RPAP1: variants seen among roughly 807,000 people sequenced by gnomAD.
The protein encoded by RPAP1 is RNA polymerase II associated protein 1.
In RPAP1, 109 loss-of-function variants were observed where a neutral mutation model predicts 142.4. The ratio of observed to expected loss-of-function variants is 0.77; its 90% CI spans 0.66 to 0.90. RPAP1 has a LOEUF of 0.90. Among genes scored for constraint, RPAP1 ranks in the 40% least tolerant of loss-of-function variants. RPAP1 has a pLI of 0.00. For missense variants in RPAP1, 1,546 were observed against 1,751.7 expected, an observed-to-expected ratio of 0.88 and a Z score of 2.10; for synonymous variants, 704 against 738.9, an observed-to-expected ratio of 0.95 and a Z score of 0.77.
chr15:41,542,207 T>C (rs2412621), intron 1 of RPAP1, among the ~76,000 whole-genome samples: 53,472 of 151,956 alleles, frequency 0.35, 9,797 homozygotes, highest in African/African-American at 0.42. Context: ...CCCACACAAG[T>C]CTAGAAATTC....
rs778613982 is a variant in RPAP1 at position 41,522,786 on chromosome 15, G to A, written c.2721C>T (p.Ile907=). The A allele has an allele frequency of 6.4e-7, 1 of 1,567,252 alleles. No individual in the cohort carries two copies. The highest frequency in any genetic ancestry group is 8.6e-7 in the Non-Finnish European group (1 of 1,165,088). ...LLSLLNTLAQ[I]HKGLCGQLAA... Reference sequence around the variant, plus strand: ...TTACCTGGCCACACAGCCCCTTGTGGATCTGGGCCAGGGTATTAAGAAGAG... The same window carrying A: ...TTACCTGGCCACACAGCCCCTTGTGAATCTGGGCCAGGGTATTAAGAAGAG... Residue 907 remains isoleucine, a synonymous_variant, in exon 19 of 25, where the codon ATC becomes ATT. Transcript: ENST00000304330.
Position 41,522,094 on chromosome 15 carries a change from C to T in RPAP1, c.2895+4G>A, listed in dbSNP as rs769605610. The T allele has an allele frequency of 6.2e-7, 1 of 1,612,904 alleles. No homozygotes were observed. The highest frequency in any genetic ancestry group is 2.2e-5 in the East Asian group (1 of 44,872). On this transcript the variant is annotated splice_donor_region_variant and intron_variant, in intron 20 of 24. Transcript: ENST00000304330. ...AGGAGAACCTGTCAGACAGGGGGAC[C>T]TACCGCTTTCTGGGCCAGAGCGAGT...
intron 1 of RPAP1, among the ~76,000 whole-genome samples, chr15:41,542,203 C>G (rs2051978151): frequency 6.6e-6 from 1 of 152,150 alleles, no homozygotes; most frequent in South Asian, 2.1e-4. Context: ...TTTGCCCACA[C>G]AAGTCTAGAA....
At chr15:41,539,056 T>C (rs533972556) in intron 1 of RPAP1, among the ~76,000 whole-genome samples, 2 of 152,306 alleles carry the variant, frequency 1.3e-5, no homozygotes, top group East Asian at 1.9e-4. Context: ...GAGCGTCTTT[T>C]TGGAGTAATG....
chr15:41,529,981 TG>T lies in RPAP1; in HGVS notation c.944-3del. The stretch of plus-strand genomic sequence containing the variant: ...GAGGGGTCACGGGCAATGCCAGAGC[TG>T]GGGAGACAAAGCATGATAGTATTAC... On this transcript the variant is annotated splice_region_variant and splice_polypyrimidine_tract_variant and intron_variant, in intron 7 of 24. Coordinates refer to ENST00000304330, the MANE Select transcript of RPAP1 (RefSeq NM_015540.4). 6.2e-7 allele frequency: 1 copy of T among 1,613,216 alleles called. No homozygotes were observed. Among genetic ancestry groups the T allele is most frequent in the Non-Finnish European group, 8.5e-7 (1 of 1,179,242 alleles).
chr15:41,526,748 C>T (rs1358960857), intron 14 of RPAP1, 150 bp downstream of exon 14: 9 of 796,592 alleles, frequency 1.1e-5, no homozygotes, highest in South Asian at 5.6e-5. Flanking sequence ...CAGGTTCATG[C>T]CTGGTGATTT....
In RPAP1 at chr15:41,521,040, C is replaced by A. The variant is rs763260556; in HGVS notation, c.3146G>T (p.Cys1049Phe). 1.3e-6 allele frequency: 2 copies of A among 1,592,602 alleles called. No individual in the cohort carries two copies. Among genetic ancestry groups the A allele is most frequent in the Non-Finnish European group, 1.7e-6 (2 of 1,169,562 alleles). ...GTTGCGGATGCTGGGGAGGTCCTGG[C>A]AGGCCTGAGCCAGCAGAGTCCCTTG... ...CGQGTLLAQACQDLPSIRNCY... is the reference protein window; with the variant it reads ...CGQGTLLAQAFQDLPSIRNCY... The change falls in exon 22 of 25, where the codon TGC becomes TTC. Residue 1049 changes from cysteine to phenylalanine, a missense_variant. Physicochemically the swap from Cys to Phe is radical, Grantham distance 205. This residue lies in a region of RPAP1 where 1,333 missense variants were observed against 1,486.6 expected (regional missense o/e 0.90). Coordinates refer to ENST00000304330, the MANE Select transcript of RPAP1 (RefSeq NM_015540.4).
intron 1 of RPAP1, among the ~76,000 whole-genome samples, chr15:41,540,282 G>C (rs1186897627): frequency 2.0e-5 from 3 of 149,816 alleles, no homozygotes; most frequent in African/African-American, 7.3e-5. Flanking sequence ...CCTCATAACA[G>C]CCTAGGAGGT....
Position 41,528,301 on chromosome 15 carries a change from C to T in RPAP1, c.1194G>A (p.Leu398=). The T allele has an allele frequency of 3.7e-6, 6 of 1,603,934 alleles. No homozygotes were observed. The East Asian group carries it at 6.7e-5, about 18-fold the overall frequency. ...AGYSLQELFH[L]TRSQVSQQRA... ...TCTGCTGGGAAACCTGGCTGCGGGT[C>T]AGGTGGAACAGCTCCTGTAGGGAAT... The change falls in exon 10 of 25, where the codon CTG becomes CTA. Residue 398 remains leucine, a synonymous_variant. Coordinates refer to ENST00000304330, the MANE Select transcript of RPAP1 (RefSeq NM_015540.4).
chr15:41,517,679 G>A lies in RPAP1; in HGVS notation c.4045C>T (p.His1349Tyr). 1 of 1,612,480 alleles carries A rather than the reference G, an allele frequency of 6.2e-7. No homozygotes were observed. Among genetic ancestry groups the A allele is most frequent in the Non-Finnish European group, 8.5e-7 (1 of 1,178,858 alleles). Residue 1349 changes from histidine (H) to tyrosine (Y), a missense_variant, in exon 25 of 25, where the codon CAC (histidine) becomes TAC (tyrosine). By Grantham distance (83) the His-to-Tyr change is moderately conservative. Transcript: ENST00000304330. ...WLLADEGLRQ[H>Y]LLHYKLPNST... ...TTGGGAAGCTTATAGTGCAGGAGGT[G>A]CTGCCGGAGACCCTGCAGAAAGGAA...
intron 6 of RPAP1, among the ~76,000 whole-genome samples, chr15:41,531,644 TTTTTTTTTTTTTTTG>T (rs2051852736): frequency 3.4e-5 from 4 of 118,388 alleles, no homozygotes; most frequent in African/African-American, 1.0e-4. Flanking sequence ...TTTTTTTTTT[TTTTTTTTTTTTTTTG>T]AGACGGAATC....
intron 4 of RPAP1, among the ~76,000 whole-genome samples, chr15:41,535,884 G>A (rs924856004): frequency 6.6e-6 from 1 of 152,054 alleles, no homozygotes; most frequent in African/African-American, 2.4e-5. Context: ...TTATCTCTTT[G>A]GGGTCTCAGT....
At chr15:41,535,063 A>T in intron 5 of RPAP1, 128 bp from the exon 6 acceptor site, 1 of 840,978 alleles carries the variant, frequency 1.2e-6, no homozygotes, top group South Asian at 1.8e-5. Flanking sequence ...CAGAGTGGAG[A>T]CCCCACTGGG....
Position 41,520,842 on chromosome 15 carries a change from T to C in RPAP1, c.3344A>G (p.Asp1115Gly), listed in dbSNP as rs951948715. 2.9e-5 allele frequency: 46 copies of C among 1,613,600 alleles called. No homozygotes were observed. The highest frequency in any genetic ancestry group is 3.8e-5 in the Non-Finnish European group (45 of 1,179,998). The change falls in exon 22 of 25, where the codon GAC becomes GGC. Residue 1115 changes from aspartate (D) to glycine (G), a missense_variant. Coordinates refer to ENST00000304330, the MANE Select transcript of RPAP1 (RefSeq NM_015540.4). ...PLIRLYHRASDTPSGLSPTDT... is the reference protein window; with the variant it reads ...PLIRLYHRASGTPSGLSPTDT... Reference sequence around the variant, plus strand: ...TGTGGGAGAGAGTCCCGAGGGGGTGTCTGAAGCCCGGTGGTAGAGGCGAAT... The same window carrying C: ...TGTGGGAGAGAGTCCCGAGGGGGTGCCTGAAGCCCGGTGGTAGAGGCGAAT...
intron 22 of RPAP1, 84 bp from the exon 23 acceptor site, chr15:41,518,266 A>T (rs1051268893): frequency 1.5e-5 from 18 of 1,209,000 alleles, no homozygotes; most frequent in Non-Finnish European, 1.9e-5. Flanking sequence ...ATCACATGAA[A>T]CCAAATCATG....
In RPAP1 at chr15:41,517,486, T is replaced by C. The variant is rs150391334; in HGVS notation, c.*56A>G. ...AATGTTCTTCGTCTGGCCAGACATC[T>C]GTTGAAAGGCTGGATACAGGACAAC... On this transcript the variant is annotated 3_prime_UTR_variant, in exon 25 of 25. Coordinates refer to ENST00000304330, the MANE Select transcript of RPAP1 (RefSeq NM_015540.4). 1.3e-4 allele frequency: 191 copies of C among 1,439,134 alleles called. 1 individual carries two copies. In the East Asian group the frequency reaches 4.3e-3, roughly 32 times the overall value. 89.1% of individuals were successfully genotyped at this position (1,439,134 alleles called of 1,614,324 possible). A position where few individuals can be genotyped will look rare whatever the true frequency, so the allele number is the denominator to read the frequency against.
At chr15:41,529,833 C>T (rs1190661031) in intron 8 of RPAP1, 31 bp downstream of exon 8, 2 of 1,517,640 alleles carry the variant, frequency 1.3e-6, no homozygotes, top group Non-Finnish European at 1.8e-6. Context: ...CTATCTCACC[C>T]ACCCCTTGTA....
intron 9 of RPAP1, among the ~76,000 whole-genome samples, chr15:41,529,072 C>A (rs2051822682): frequency 6.6e-6 from 1 of 152,178 alleles, no homozygotes; most frequent in African/African-American, 2.4e-5. Context: ...AACTGAATGC[C>A]ACGCCTGTAA....
In RPAP1 at chr15:41,523,426, A is replaced by C. The variant is rs1595481669; in HGVS notation, c.2437-72T>G. 5.0e-6 allele frequency: 5 copies of C among 996,270 alleles called. No homozygotes were observed. In the East Asian group the frequency reaches 7.5e-5, roughly 15 times the overall value. The allele number at this position is 996,270 out of a possible 1,614,324, so 61.7% of individuals were successfully genotyped here. On this transcript the variant is annotated intron_variant, in intron 17 of 24. Coordinates refer to ENST00000304330, the MANE Select transcript of RPAP1 (RefSeq NM_015540.4). ...CTCCTAGACCCTGTGTACCCAGGCC[A>C]ATGCCACCATCCCAACAGCCCAAAA...
Sources: allele counts gnomAD v4.1 joint callset (sites outside exome capture counted in the v4.1 genomes callset), GRCh38; gene constraint gnomAD v4.1.1; regional missense constraint gnomAD v4.1.1; transcripts MANE v1.5; gene names NCBI Gene and HGNC (gene_info 2026-07-23, HGNC 2026-07-21).